Variants in ZNF514 observed in about 807,000 individuals in gnomAD.
The protein encoded by ZNF514 is zinc finger protein 514.
Under a neutral mutation model 9.7 loss-of-function variants are expected in ZNF514, and 12 were observed. The ratio of observed to expected loss-of-function variants is 1.24; its 90% CI spans 0.79 to 2.01. The LOEUF is 2.01. Among genes scored for constraint, ZNF514 ranks in the 30% most tolerant of loss-of-function variants. The pLI, the probability that ZNF514 is intolerant of heterozygous loss-of-function variation, is 0.00. For synonymous variants in ZNF514, 158 were observed against 163.7 expected, an observed-to-expected ratio of 0.97 and a Z score of 0.27; for missense variants, 467 against 465.5, an observed-to-expected ratio of 1.00 and a Z score of -0.03.
chr2:95,155,011 T>A lies in ZNF514; in HGVS notation c.-6-1752A>T, dbSNP rs560177179. The A allele has an allele frequency of 3.3e-5, 5 of 152,278 alleles. No homozygotes were observed. The South Asian group carries it at 6.2e-4, about 19-fold the overall frequency. 9.4% of individuals were successfully genotyped at this position (152,278 alleles called of 1,614,324 possible). A position where few individuals can be genotyped will look rare whatever the true frequency, so the allele number is the denominator to read the frequency against. On this transcript the variant is annotated intron_variant, in intron 2 of 4. Transcript: ENST00000295208. ...CAAGGAAATCCAAAAACTCCACAAT[T>A]AAGGCTAAAGAAGGGGGCATATTTC...
chr2:95,133,227 G>A, the ZNF514 span, among the ~76,000 whole-genome samples: 1 of 152,164 alleles, frequency 6.6e-6, no homozygotes, highest in African/African-American at 2.4e-5. Flanking sequence ...CCAGCCCTCT[G>A]AGGGGCTGAG....
rs1202192786 is a variant in ZNF514, at chr2:95,145,392, A to T, written c.*3890T>A. On this transcript the variant is annotated 3_prime_UTR_variant, in exon 5 of 5. Coordinates refer to ENST00000295208, the MANE Select transcript of ZNF514 (RefSeq NM_032788.3). ...TAGCAATAAGATAACATGACAGATAACAGGCCCTGAGAGAAATCTAAGTAT... is the reference window on the plus strand; with the variant it reads ...TAGCAATAAGATAACATGACAGATATCAGGCCCTGAGAGAAATCTAAGTAT... 2.0e-5 allele frequency among the ~76,000 whole-genome samples: 3 copies of T among 152,198 alleles called. No homozygotes were observed. The highest frequency in any genetic ancestry group is 6.5e-5 in the Admixed American group (1 of 15,284).
downstream of ZNF514, among the ~76,000 whole-genome samples, chr2:95,144,144 T>A (rs926871020): frequency 6.6e-6 from 1 of 152,236 alleles, no homozygotes; most frequent in Admixed American, 6.5e-5. Flanking sequence ...GACACTCAGC[T>A]GGACTGGCAA....
rs1183901477 is a variant in ZNF514 at position 95,148,703 on chromosome 2, G to C, written c.*579C>G. 2 of 153,386 alleles carry C rather than the reference G, an allele frequency of 1.3e-5. No homozygotes were observed. The highest frequency in any genetic ancestry group is 2.9e-5 in the Non-Finnish European group (2 of 68,964). The allele number at this position is 153,386 out of a possible 1,614,324, so 9.5% of individuals were successfully genotyped here. On this transcript the variant is annotated 3_prime_UTR_variant, in exon 5 of 5. Transcript: ENST00000295208. ...ATAAAGCAATGAGGTTTGGCTGAAG[G>C]CTCTCCCACATTACCCACATTCACA... is the stretch of plus-strand genomic sequence containing the variant.
At position 95,147,163 on chromosome 2, in the gene ZNF514, AAC is replaced by A. The variant is rs1384324739; in HGVS notation, c.*2117_*2118del. On this transcript the variant is annotated 3_prime_UTR_variant, in exon 5 of 5. Coordinates refer to ENST00000295208, the MANE Select transcript of ZNF514 (RefSeq NM_032788.3). ...GCTTCTCCACCTGAGTTACAGAGCC[AAC>A]ATGGTAGGAACTTTAAAGCAGAGCC... 1.3e-5 allele frequency among the ~76,000 whole-genome samples: 2 copies of A among 152,222 alleles called. No individual in the cohort carries two copies. The highest frequency in any genetic ancestry group is 2.9e-5 in the Non-Finnish European group (2 of 68,048).
the ZNF514 span, among the ~76,000 whole-genome samples, chr2:95,135,371 T>A: frequency 6.6e-6 from 1 of 152,094 alleles, no homozygotes; most frequent in Non-Finnish European, 1.5e-5. Flanking sequence ...CACATGGAAT[T>A]GTTTTCTTTC....
chr2:95,152,387 G>A (rs1403359245), intron 4 of ZNF514, among the ~76,000 whole-genome samples: 1 of 151,918 alleles, frequency 6.6e-6, no homozygotes, highest in African/African-American at 2.4e-5. Context: ...TACGATTGTT[G>A]ATCCATCTAA....
rs767378283 is a variant in ZNF514 at position 95,153,235 on chromosome 2, C to CCA, written c.17_18dup (p.Ala7TrpfsTer13). The stretch of plus-strand genomic sequence containing the variant: ...CACTCCCACTGGCTGAATTCCACAG[C>CCA]CACATCTTCAAATGTCATCAGGTCC... On this transcript the variant is annotated frameshift_variant, in exon 3 of 5. Coordinates refer to ENST00000295208, the MANE Select transcript of ZNF514 (RefSeq NM_032788.3). LOFTEE classifies it high-confidence loss of function. 11 of 1,613,968 alleles carry CCA rather than the reference C, an allele frequency of 6.8e-6. No homozygotes were observed.
At chr2:95,153,468 A>G (rs1673599611) in intron 2 of ZNF514, 1 of 415,994 alleles carries the variant, frequency 2.4e-6, no homozygotes, top group Non-Finnish European at 4.2e-6. Flanking sequence ...ACAAATGAAT[A>G]TGCTTTGCAT....
chr2:95,127,749 C>T, the ZNF514 span, among the ~76,000 whole-genome samples: 2 of 152,264 alleles, frequency 1.3e-5, no homozygotes, highest in East Asian at 3.9e-4. Context: ...GCTGGGATTA[C>T]AGGTGCCTGC....
the ZNF514 span, among the ~76,000 whole-genome samples, chr2:95,126,442 A>G: frequency 1.3e-5 from 2 of 151,714 alleles, no homozygotes; most frequent in African/African-American, 2.4e-5. Flanking sequence ...CTGCCAAACT[A>G]CTTTCCAAAG....
At position 95,146,664 on chromosome 2, in the gene ZNF514, G is replaced by A. The variant is rs538018233; in HGVS notation, c.*2618C>T. 1.2e-3 allele frequency among the ~76,000 whole-genome samples: 174 copies of A among 150,530 alleles called. 3 individuals are homozygous for A. The South Asian group carries it at 0.035, about 30-fold the overall frequency. ...AGGCCGTGCAAAGGATTTTTGGAGG[G>A]CAGGACACTGGGTTCAAACTGGTAA... On this transcript the variant is annotated 3_prime_UTR_variant, in exon 5 of 5. Coordinates refer to ENST00000295208, the MANE Select transcript of ZNF514 (RefSeq NM_032788.3).
At chr2:95,127,107 C>T in the ZNF514 span, among the ~76,000 whole-genome samples, 1 of 152,200 alleles carries the variant, frequency 6.6e-6, no homozygotes, top group African/African-American at 2.4e-5. Context: ...GTCCTTGATG[C>T]ATAGTCACCC....
intron 1 of ZNF514, 63 bp downstream of exon 1, chr2:95,159,177 C>T: frequency 2.7e-6 from 1 of 364,452 alleles, no homozygotes; most frequent in Non-Finnish European, 4.3e-6. Flanking sequence ...AACCCCGGTG[C>T]GCCCAGCGCG....
the ZNF514 span, among the ~76,000 whole-genome samples, chr2:95,132,185 T>TAAATGACA: frequency 7.4e-6 from 1 of 135,122 alleles, no homozygotes; most frequent in East Asian, 2.1e-4. Context: ...GAGAGAAAAT[T>TAAATGACA]AAATGACAAG....
Position 95,148,991 on chromosome 2 carries a change from G to GATGCTGAA in ZNF514, c.*290_*291insTTCAGCAT. 2.9e-6 allele frequency: 1 copy of GATGCTGAA among 345,314 alleles called. No homozygotes were observed. The highest frequency in any genetic ancestry group is 5.2e-6 in the Non-Finnish European group (1 of 190,734). The allele number at this position is 345,314 out of a possible 1,614,324, so 21.4% of individuals were successfully genotyped here. The stretch of plus-strand genomic sequence containing the variant: ...ACTGCATTGATAAGGCTCCTCCCCA[G>GATGCTGAA]TGTCGGCTGTCTGATGCTGAATAAT... On this transcript the variant is annotated 3_prime_UTR_variant, in exon 5 of 5. Coordinates refer to ENST00000295208, the MANE Select transcript of ZNF514 (RefSeq NM_032788.3).
chr2:95,125,673 C>A, the ZNF514 span, among the ~76,000 whole-genome samples: 1 of 152,306 alleles, frequency 6.6e-6, no homozygotes, highest in East Asian at 1.9e-4. Context: ...CAATAACTCC[C>A]CATTCCCCTC....
intron 2 of ZNF514, chr2:95,153,879 C>T (rs1396247668): frequency 6.6e-6 from 1 of 152,132 alleles, no homozygotes; most frequent in African/African-American, 2.4e-5. Context: ...CACTAAAGAG[C>T]AAAATAGGTG....
intron 2 of ZNF514, 145 bp from the exon 3 acceptor site, chr2:95,153,404 T>C: frequency 1.4e-6 from 1 of 724,870 alleles, no homozygotes; most frequent in Non-Finnish European, 2.0e-6. Context: ...TCCTCATTTG[T>C]CAAAAGGTTT....
Sources: allele counts gnomAD v4.1 joint callset (sites outside exome capture counted in the v4.1 genomes callset), GRCh38; gene constraint gnomAD v4.1.1; transcripts MANE v1.5; gene names NCBI Gene and HGNC (gene_info 2026-07-23, HGNC 2026-07-21).